WDR47: variants seen among roughly 807,000 people sequenced by gnomAD.
WDR47 encodes the protein WD repeat-containing protein 47.
In WDR47, 32 loss-of-function variants were observed where a neutral mutation model predicts 97.2. The ratio of observed to expected loss-of-function variants is 0.33; its 90% confidence interval spans 0.25 to 0.44. The LOEUF (loss-of-function observed/expected upper bound fraction) is 0.44, where lower values mean the gene tolerates loss of function less well. WDR47 is among the 20% of genes least tolerant of loss of function. The probability of loss-of-function intolerance (pLI) is 1.00; values close to 1 mark genes in which losing one functional copy is unlikely to be tolerated. For missense variants in WDR47, 782 were observed against 1,102.3 expected (o/e 0.71, Z 4.11); for synonymous variants, 375 against 373.5 (o/e 1.00, Z -0.05).
At chr1:108,994,569 T>C (rs1411343845) in intron 8 of WDR47, among the ~76,000 whole-genome samples, 1 of 151,444 alleles carries the variant, frequency 6.6e-6, no homozygotes, top group African/African-American at 2.4e-5. Flanking sequence ...CATAGTGAGA[T>C]CCCATCTTAA....
chr1:109,012,451 T>C (rs1372220363), intron 4 of WDR47, among the ~76,000 whole-genome samples: 1 of 150,836 alleles, frequency 6.6e-6, no homozygotes, highest in Non-Finnish European at 1.5e-5. Flanking sequence ...CGGGCACCTG[T>C]AATCCCAGCT....
Position 109,011,590 on chromosome 1 carries a change from A to G in WDR47, c.456T>C (p.Phe152=). 2.5e-6 allele frequency: 4 copies of G among 1,614,216 alleles called. No individual in the cohort carries two copies. Among genetic ancestry groups the G allele is most frequent in the Non-Finnish European group, 3.4e-6 (4 of 1,180,034 alleles). Residue 152 remains phenylalanine (F), a synonymous_variant, in exon 5 of 15, where the codon TTT becomes TTC. Coordinates refer to ENST00000369962, the MANE Select transcript of WDR47 (RefSeq NM_001142551.2). ...GTGCGGTGCTGGGATTCCAGTCCTT[A>G]AACTCGGCATGATTGGTCAGACGAG... is the stretch of plus-strand genomic sequence containing the variant. ...TLPRLTNHAE[F]KDWNPSTARV... is the part of the protein sequence containing the mutation.
chr1:108,974,366 C>T (rs1657720555), intron 14 of WDR47, among the ~76,000 whole-genome samples, 170 bp downstream of exon 14: 1 of 152,152 alleles, frequency 6.6e-6, no homozygotes, highest in African/African-American at 2.4e-5. Flanking sequence ...CTATTCACTG[C>T]TTATTTAATA....
At chr1:109,019,326 T>C (rs1011205185) in intron 2 of WDR47, among the ~76,000 whole-genome samples, 4 of 141,732 alleles carry the variant, frequency 2.8e-5, no homozygotes, top group African/African-American at 1.1e-4. Context: ...CACGTTACAG[T>C]GAGCCGAAGT....
At chr1:108,993,591 G>A (rs966137937) in intron 8 of WDR47, among the ~76,000 whole-genome samples, 9 of 152,292 alleles carry the variant, frequency 5.9e-5, no homozygotes, top group African/African-American at 2.2e-4. Context: ...ATAAAGAGAT[G>A]AGGCAAAGGA....
intron 8 of WDR47, chr1:108,992,741 G>C (rs1001424963): frequency 8.1e-6 from 13 of 1,595,106 alleles, no homozygotes; most frequent in Non-Finnish European, 1.1e-5. Flanking sequence ...TACGGAAAAG[G>C]AACAGATTGT....
At chr1:108,975,712 G>A (rs1368700536) in intron 13 of WDR47, among the ~76,000 whole-genome samples, 1 of 151,092 alleles carries the variant, frequency 6.6e-6, no homozygotes, top group African/African-American at 2.4e-5. Context: ...CACTGCTCTA[G>A]ACCAAAGTGG....
rs1657746437 is a variant in WDR47, at chr1:108,974,680, T to C, written c.2473A>G (p.Met825Val). The C allele has an allele frequency of 1.3e-5, 21 of 1,613,982 alleles. No homozygotes were observed. Among genetic ancestry groups the C allele is most frequent in the Non-Finnish European group, 1.4e-5 (17 of 1,180,014 alleles). Residue 825 changes from methionine (M) to valine (V), a missense_variant, in exon 14 of 15, where the codon ATG becomes GTG. Coordinates refer to ENST00000369962, the MANE Select transcript of WDR47 (RefSeq NM_001142551.2). Reference sequence around the variant, plus strand: ...CTTCCTCCTCTTATGTCATACAACATGCAGCTAGAATCTTCTTGACCTGTG... The same window carrying C: ...CTTCCTCCTCTTATGTCATACAACACGCAGCTAGAATCTTCTTGACCTGTG... ...LATGQEDSSC[M>V]LYDIRGGRMV...
chr1:108,999,274 G>A (rs1478147403), intron 7 of WDR47, among the ~76,000 whole-genome samples: 1 of 150,962 alleles, frequency 6.6e-6, no homozygotes, highest in Non-Finnish European at 1.5e-5. Flanking sequence ...GAATAGATAA[G>A]ATTAAGAGAA....
chr1:109,008,199 T>C lies in WDR47; in HGVS notation c.1130+2717A>G, dbSNP rs752573974. Among the ~76,000 whole-genome samples the C allele has an allele frequency of 1.2e-3, 175 of 152,010 alleles. 3 individuals carry two copies. Among genetic ancestry groups the C allele is most frequent in the Admixed American group, 4.6e-4 (7 of 15,254 alleles). On this transcript the variant is annotated intron_variant, in intron 5 of 14. Coordinates refer to ENST00000369962, the MANE Select transcript of WDR47 (RefSeq NM_001142551.2). The stretch of plus-strand genomic sequence containing the variant: ...CCTCTCTAAAGCACATGAAAGAAAA[T>C]ATCACAACTCTCTCCTCTATAATCT...
Position 109,017,518 on chromosome 1 carries a change from CT to C in WDR47, c.241del (p.Arg81GlyfsTer7), listed in dbSNP as rs1557951659. ...LECMEKFDKKRFRYIILKQKF... is the reference protein window; with the variant it reads ...LECMEKFDKKXFRYIILKQKF... The stretch of plus-strand genomic sequence containing the variant: ...CTAAAAACTTTAGATAAAATCTTAC[CT>C]TTTTTTGTCAAATTTTTCCATACAT... On this transcript the variant is annotated frameshift_variant and splice_region_variant, in exon 3 of 15. Coordinates refer to ENST00000369962, the MANE Select transcript of WDR47 (RefSeq NM_001142551.2). LOFTEE classifies it high-confidence loss of function. The C allele has an allele frequency of 1.2e-6, 2 of 1,608,424 alleles. No individual in the cohort carries two copies. The highest frequency in any genetic ancestry group is 1.7e-6 in the Non-Finnish European group (2 of 1,177,944).
intron 3 of WDR47, among the ~76,000 whole-genome samples, chr1:109,014,265 T>C (rs1557948736): frequency 6.6e-6 from 1 of 152,102 alleles, no homozygotes; most frequent in Non-Finnish European, 1.5e-5. Flanking sequence ...AGTATATATT[T>C]ATGGGGTATG....
intron 6 of WDR47, among the ~76,000 whole-genome samples, chr1:109,002,637 CCTGA>C (rs1660304791): frequency 1.3e-5 from 2 of 152,054 alleles, no homozygotes; most frequent in African/African-American, 2.4e-5. Flanking sequence ...GCCTTGGTTC[CCTGA>C]CTAACCCAAA....
At chr1:108,991,396 C>A (rs770031632) in intron 8 of WDR47, 67 bp from the exon 9 acceptor site, 40 of 1,389,044 alleles carry the variant, frequency 2.9e-5, no homozygotes, top group Non-Finnish European at 3.6e-5. Context: ...TTAATTTACC[C>A]TTTCAAACAC....
intron 1 of WDR47, among the ~76,000 whole-genome samples, chr1:109,035,212 C>T (rs1662855319): frequency 6.8e-6 from 1 of 148,118 alleles, no homozygotes; most frequent in African/African-American, 2.5e-5. Context: ...CACTACTGCA[C>T]TCCAGCCTGG....
chr1:109,037,058 G>A (rs1007085232), intron 1 of WDR47, among the ~76,000 whole-genome samples: 11 of 152,124 alleles, frequency 7.2e-5, no homozygotes, highest in Admixed American at 2.6e-4. Context: ...CGCCAGGTGC[G>A]GTGGCTCACG....
intron 5 of WDR47, among the ~76,000 whole-genome samples, chr1:109,007,156 G>GTCCT (rs1660686492): frequency 6.7e-6 from 1 of 148,734 alleles, no homozygotes; most frequent in African/African-American, 2.5e-5. Context: ...GTCCAGGATA[G>GTCCT]TCCTGAACTC....
At chr1:108,975,875 G>A (rs1333502534) in intron 13 of WDR47, among the ~76,000 whole-genome samples, 1 of 152,132 alleles carries the variant, frequency 6.6e-6, no homozygotes, top group African/African-American at 2.4e-5. Flanking sequence ...TGAAAGAGAA[G>A]AGGGCTATTA....
chr1:109,007,221 CAA>C (rs542534921), intron 5 of WDR47, among the ~76,000 whole-genome samples: 38 of 92,002 alleles, frequency 4.1e-4, no homozygotes, highest in Admixed American at 4.6e-4. Flanking sequence ...AATGTATACT[CAA>C]AAAAAAAAAA....
Sources: allele counts gnomAD v4.1 joint callset (sites outside exome capture counted in the v4.1 genomes callset), GRCh38; gene constraint gnomAD v4.1.1; transcripts MANE v1.5; gene names NCBI Gene and HGNC (gene_info 2026-07-23, HGNC 2026-07-21).